Variants in LRRTM4 observed in about 807,000 individuals in gnomAD.
The protein encoded by LRRTM4 is leucine-rich repeat transmembrane neuronal protein 4.
LRRTM4 carries 25 observed loss-of-function variants against 47.6 expected under a neutral mutation model. The ratio of observed to expected loss-of-function variants is 0.53; its 90% CI spans 0.38 to 0.73. The LOEUF is 0.73. Among genes scored for constraint, LRRTM4 ranks in the 30% least tolerant of loss-of-function variants. The pLI, the probability that LRRTM4 is intolerant of heterozygous loss-of-function variation, is 0.00. For synonymous variants in LRRTM4, 311 were observed against 269.5 expected (o/e 1.15, Z -1.51); for missense variants, 638 against 713.4 (o/e 0.89, Z 1.20).
chr2:77,317,525 C>T (rs952421621), intron 3 of LRRTM4, among the ~76,000 whole-genome samples: 12 of 152,034 alleles, frequency 7.9e-5, no homozygotes, highest in African/African-American at 2.9e-4. Flanking sequence ...ATAATATTTT[C>T]CCCTGTTTTT....
intron 3 of LRRTM4, among the ~76,000 whole-genome samples, chr2:76,838,036 T>G (rs947041187): frequency 6.6e-6 from 1 of 151,544 alleles, no homozygotes. Flanking sequence ...TGTATACATA[T>G]GTAACTAACC....
At chr2:77,463,185 A>G in intron 3 of LRRTM4, among the ~76,000 whole-genome samples, 1 of 152,194 alleles carries the variant, frequency 6.6e-6, no homozygotes, top group South Asian at 2.1e-4. Context: ...ACAAACCTGT[A>G]CAGTATGTTA....
chr2:77,519,895 T>C lies in LRRTM4; in HGVS notation c.5-31A>G, dbSNP rs766823813. 6 of 1,520,438 alleles carry C rather than the reference T, an allele frequency of 3.9e-6. No individual in the cohort carries two copies. The African/African-American group carries it at 4.2e-5, about 11-fold the overall frequency. The allele number at this position is 1,520,438 out of a possible 1,614,324, so 94.2% of individuals were successfully genotyped here. On this transcript the variant is annotated intron_variant, in intron 2 of 3. Coordinates refer to ENST00000409884, the MANE Select transcript of LRRTM4 (RefSeq NM_001134745.3). The surrounding 1 kb of genome is among the most constrained non-coding windows in gnomAD (Gnocchi z 4.6). ...ATATTAAAAAAAAGACAGATGCACA[T>C]TGTGAAGCTATTAAAATAAATCACC... is the stretch of plus-strand genomic sequence containing the variant.
intron 3 of LRRTM4, among the ~76,000 whole-genome samples, chr2:76,888,674 T>C (rs950609676): frequency 2.0e-5 from 3 of 151,832 alleles, no homozygotes; most frequent in Non-Finnish European, 3.0e-5. Flanking sequence ...TTAGTTTTTT[T>C]TCTAGATTTT....
chr2:77,086,356 C>T (rs1302935980), intron 3 of LRRTM4, among the ~76,000 whole-genome samples: 1 of 151,458 alleles, frequency 6.6e-6, no homozygotes, highest in African/African-American at 2.4e-5. Context: ...TTTTCACCAA[C>T]ATAATTTGTT....
chr2:77,058,230 GT>G (rs1573511850), intron 3 of LRRTM4, among the ~76,000 whole-genome samples: 3 of 152,086 alleles, frequency 2.0e-5, no homozygotes, highest in Non-Finnish European at 1.5e-5. Context: ...GAGGTCCTTA[GT>G]TAGTGGGTAT....
chr2:77,435,038 G>T (rs1489404502), intron 3 of LRRTM4, among the ~76,000 whole-genome samples: 1 of 151,954 alleles, frequency 6.6e-6, no homozygotes, highest in African/African-American at 2.4e-5. Context: ...TTTGTCCTAT[G>T]CATTGTAGGA....
chr2:77,222,481 GA>G (rs1427345352), intron 3 of LRRTM4, among the ~76,000 whole-genome samples: 1 of 152,148 alleles, frequency 6.6e-6, no homozygotes, highest in Non-Finnish European at 1.5e-5. Context: ...AAGAAGAAAA[GA>G]GAGAAGAATC....
intron 3 of LRRTM4, among the ~76,000 whole-genome samples, chr2:76,774,434 C>T (rs1673867154): frequency 6.6e-6 from 1 of 152,148 alleles, no homozygotes. Flanking sequence ...TCGTGATCTG[C>T]CTGCCTTGGC....
At chr2:76,802,791 C>T (rs964297333) in intron 3 of LRRTM4, among the ~76,000 whole-genome samples, 2 of 152,066 alleles carry the variant, frequency 1.3e-5, no homozygotes, top group African/African-American at 4.8e-5. Flanking sequence ...CTCAGAAATA[C>T]ATCCACATAT....
chr2:77,220,175 G>C (rs1674578062), intron 3 of LRRTM4, among the ~76,000 whole-genome samples: 3 of 152,094 alleles, frequency 2.0e-5, no homozygotes, highest in Admixed American at 1.3e-4. Flanking sequence ...CTAACAAACA[G>C]AAAGGACATC....
intron 3 of LRRTM4, among the ~76,000 whole-genome samples, chr2:77,367,254 T>C (rs1281937171): frequency 6.7e-6 from 1 of 148,850 alleles, no homozygotes; most frequent in Non-Finnish European, 1.5e-5. Context: ...TAGGTTTCCA[T>C]GGCACTCACA....
At chr2:77,192,141 G>A (rs1673687063) in intron 3 of LRRTM4, among the ~76,000 whole-genome samples, 1 of 151,924 alleles carries the variant, frequency 6.6e-6, no homozygotes, top group Non-Finnish European at 1.5e-5. Flanking sequence ...TGTGTTCGTG[G>A]GTTGCCATGC....
At chr2:76,929,925 TTGTGTGTGTGTGTGTGTGTG>T (rs3055992) in intron 3 of LRRTM4, among the ~76,000 whole-genome samples, 23 of 149,318 alleles carry the variant, frequency 1.5e-4, no homozygotes, top group African/African-American at 5.7e-4. Context: ...CAATTAGAGT[TTGTGTGTGTGTGTGTGTGTG>T]TGTGTGTGTG....
chr2:77,383,907 C>A (rs1478414743), intron 3 of LRRTM4, among the ~76,000 whole-genome samples: 2 of 152,056 alleles, frequency 1.3e-5, no homozygotes, highest in Non-Finnish European at 2.9e-5. Context: ...GAAGAGAATT[C>A]TGATGCGAGC....
At chr2:76,986,049 T>C (rs1289867310) in intron 3 of LRRTM4, 4 of 152,028 alleles carry the variant, frequency 2.6e-5, no homozygotes, top group Non-Finnish European at 4.4e-5. Flanking sequence ...AATTTTATCA[T>C]GTGCTTTGCC....
chr2:77,004,791 C>T (rs186040859), intron 3 of LRRTM4, among the ~76,000 whole-genome samples: 554 of 152,246 alleles, frequency 3.6e-3, no homozygotes, highest in Non-Finnish European at 6.2e-3. Flanking sequence ...TGCACAGGAG[C>T]GAAGCTGCCC....
intron 3 of LRRTM4, among the ~76,000 whole-genome samples, chr2:77,488,381 T>A (rs1290990944): frequency 6.6e-6 from 1 of 152,140 alleles, no homozygotes; most frequent in African/African-American, 2.4e-5. Context: ...TGCTCACTCA[T>A]ACACCCCTTG....
intron 3 of LRRTM4, among the ~76,000 whole-genome samples, chr2:77,002,646 T>G (rs1416319076): frequency 6.6e-6 from 1 of 152,156 alleles, no homozygotes; most frequent in East Asian, 1.9e-4. Context: ...CCCAAGACTT[T>G]ACTCCACAGT....
Sources: gnomAD v4.1 joint callset for allele counts (sites outside exome capture counted in the v4.1 genomes callset) on GRCh38, gnomAD v4.1.1 for gene constraint, Gnocchi (gnomAD v3.1) non-coding constraint, MANE v1.5 for transcripts, NCBI Gene and HGNC (gene_info 2026-07-23, HGNC 2026-07-21) for gene names.